The following PLD5 variants were observed in gnomAD, a reference collection of about 807,000 sequenced individuals.
PLD5 encodes the protein inactive phospholipase D5.
Under a neutral mutation model 61.1 loss-of-function variants are expected in PLD5, and 36 were observed. That is an observed-to-expected ratio of 0.59 (90% CI 0.45 to 0.78). PLD5 has a LOEUF of 0.78. PLD5 is among the 30% of genes least tolerant of loss of function. The probability of loss-of-function intolerance (pLI) is 0.00; values close to 1 mark genes in which losing one functional copy is unlikely to be tolerated. For synonymous variants in PLD5, 243 were observed against 242.8 expected (o/e 1.00, Z -0.01); for missense variants, 515 against 644.4 (o/e 0.80, Z 2.17).
At position 242,207,802 on chromosome 1, in the gene PLD5, ATATATATT is replaced by A. The variant is rs1558343711; in HGVS notation, c.735+12178_735+12185del. On this transcript the variant is annotated intron_variant, in intron 5 of 9. Transcript: ENST00000536534. ...TATATATTTATATTTATATATATTT[ATATATATT>A]TATATTTATATATTTATATATATTT... 1.4e-3 allele frequency among the ~76,000 whole-genome samples: 110 copies of A among 79,742 alleles called. 12 individuals are homozygous for A. The highest frequency in any genetic ancestry group is 5.5e-3 in the African/African-American group (93 of 16,944). 52.3% of individuals were successfully genotyped at this position (79,742 alleles called of 152,430 possible).
chr1:242,089,513 A>C lies in PLD5; in HGVS notation c.*341T>G. ...AGAATGGTGTTAAAGAGCCCACCTC[A>C]TGCTAAGCTTCCTAACAACTGACCG... On this transcript the variant is annotated 3_prime_UTR_variant, in exon 10 of 10. Coordinates refer to ENST00000536534, the MANE Select transcript of PLD5 (RefSeq NM_001372062.1). 2.0e-6 allele frequency: 1 copy of C among 493,302 alleles called. No individual in the cohort carries two copies. The highest frequency in any genetic ancestry group is 3.5e-6 in the Non-Finnish European group (1 of 283,928). 30.6% of individuals were successfully genotyped at this position (493,302 alleles called of 1,614,324 possible). A position where few individuals can be genotyped will look rare whatever the true frequency, so the allele number is the denominator to read the frequency against.
chr1:242,260,417 T>G (rs10926670), intron 4 of PLD5, among the ~76,000 whole-genome samples: 84,153 of 151,160 alleles, frequency 0.56, 24,220 homozygotes, highest in East Asian at 0.77. Flanking sequence ...GGCACATCCC[T>G]CAGGAATACG....
intron 6 of PLD5, among the ~76,000 whole-genome samples, chr1:242,119,870 A>T (rs1253147790): frequency 1.3e-5 from 2 of 152,232 alleles, no homozygotes; most frequent in African/African-American, 2.4e-5. Flanking sequence ...AAACCTGTAC[A>T]TGAATATTTA....
intron 1 of PLD5, among the ~76,000 whole-genome samples, chr1:242,523,009 C>G (rs971834489): frequency 2.0e-5 from 3 of 152,120 alleles, no homozygotes; most frequent in Non-Finnish European, 4.4e-5. Flanking sequence ...TGGGAAGAAG[C>G]CTGTTGGTGC....
intron 5 of PLD5, among the ~76,000 whole-genome samples, chr1:242,177,440 A>T (rs1026156896): frequency 1.3e-5 from 2 of 152,188 alleles, no homozygotes; most frequent in African/African-American, 4.8e-5. Flanking sequence ...TGGGAGGGAT[A>T]GCATTAGGAG....
chr1:242,421,377 G>A (rs1189973535), intron 1 of PLD5, among the ~76,000 whole-genome samples: 1 of 152,180 alleles, frequency 6.6e-6, no homozygotes, highest in Admixed American at 6.5e-5. Flanking sequence ...CTAGGACCAA[G>A]GCTGAAAGAG....
intron 3 of PLD5, among the ~76,000 whole-genome samples, chr1:242,276,018 T>G (rs970665222): frequency 5.9e-5 from 9 of 151,738 alleles, no homozygotes; most frequent in Non-Finnish European, 1.2e-4. Context: ...GTTGGTGAAA[T>G]AGGGAAGTAT....
intron 5 of PLD5, chr1:242,203,879 A>T (rs1247113012): frequency 6.6e-6 from 1 of 152,130 alleles, no homozygotes; most frequent in African/African-American, 2.4e-5. Context: ...ACTTCCATTC[A>T]GTTTCTTTTT....
chr1:242,523,892 C>T (rs1365087948), intron 1 of PLD5, among the ~76,000 whole-genome samples, 196 bp downstream of exon 1: 1 of 152,136 alleles, frequency 6.6e-6, no homozygotes, highest in African/African-American at 2.4e-5. Context: ...GGGAACCTGC[C>T]CTCCCCTCCC....
chr1:242,232,136 T>C (rs1443983381), intron 4 of PLD5, among the ~76,000 whole-genome samples: 1 of 151,870 alleles, frequency 6.6e-6, no homozygotes, highest in East Asian at 1.9e-4. Context: ...AGCCCACCAA[T>C]CCCTGGCAAA....
intron 4 of PLD5, among the ~76,000 whole-genome samples, chr1:242,254,995 C>T (rs1409537773): frequency 6.6e-6 from 1 of 152,210 alleles, no homozygotes; most frequent in African/African-American, 2.4e-5. Flanking sequence ...AAGCATGAGC[C>T]TCTCAAGTGG....
At chr1:242,126,608 T>C (rs971112067) in intron 5 of PLD5, among the ~76,000 whole-genome samples, 4 of 152,142 alleles carry the variant, frequency 2.6e-5, no homozygotes, top group Non-Finnish European at 4.4e-5. Flanking sequence ...GGCAAGACAC[T>C]GTAGGAGAAT....
At chr1:242,313,941 G>C (rs949834001) in intron 2 of PLD5, among the ~76,000 whole-genome samples, 3 of 152,142 alleles carry the variant, frequency 2.0e-5, no homozygotes, top group East Asian at 3.9e-4. Flanking sequence ...AGAGATGACA[G>C]TGAAGGTCAT....
At chr1:242,314,644 T>G (rs1387461250) in intron 2 of PLD5, among the ~76,000 whole-genome samples, 1 of 152,210 alleles carries the variant, frequency 6.6e-6, no homozygotes, top group African/African-American at 2.4e-5. Context: ...ATTTCCCATT[T>G]CAAATTCTAA....
chr1:242,489,818 G>A (rs1668083440), intron 1 of PLD5, among the ~76,000 whole-genome samples: 1 of 152,150 alleles, frequency 6.6e-6, no homozygotes, highest in South Asian at 2.1e-4. Flanking sequence ...ACCAAGCCTC[G>A]ACAAAAGGAG....
chr1:242,157,835 C>T (rs72761257), intron 5 of PLD5, among the ~76,000 whole-genome samples: 1 of 152,216 alleles, frequency 6.6e-6, no homozygotes, highest in Non-Finnish European at 1.5e-5. Flanking sequence ...TAGCAAAGCT[C>T]CAACGCTGTG....
At chr1:242,318,238 G>A (rs1658145354) in intron 2 of PLD5, among the ~76,000 whole-genome samples, 1 of 152,130 alleles carries the variant, frequency 6.6e-6, no homozygotes, top group Non-Finnish European at 1.5e-5. Context: ...ACACTTCTTT[G>A]CCCAGGATAA....
intron 1 of PLD5, among the ~76,000 whole-genome samples, chr1:242,370,817 G>T (rs965459728): frequency 6.6e-6 from 1 of 152,056 alleles, no homozygotes; most frequent in Admixed American, 6.6e-5. Flanking sequence ...AATGCCAACT[G>T]GTCTTTGATA....
chr1:242,488,033 C>T (rs1009155932), intron 1 of PLD5, among the ~76,000 whole-genome samples: 16 of 152,046 alleles, frequency 1.1e-4, no homozygotes, highest in African/African-American at 3.9e-4. Flanking sequence ...CACTACATAC[C>T]TATTAGAAAG....
Sources: gnomAD v4.1 joint callset for allele counts (sites outside exome capture counted in the v4.1 genomes callset) on GRCh38, gnomAD v4.1.1 for gene constraint, MANE v1.5 for transcripts, NCBI Gene and HGNC (gene_info 2026-07-23, HGNC 2026-07-21) for gene names.